The following PKD1L3 variants were observed in gnomAD, a reference collection of about 807,000 sequenced individuals.
PKD1L3 encodes polycystin-1-like protein 3.
Under a neutral mutation model 184.1 loss-of-function variants are expected in PKD1L3, and 239 were observed. That is an observed-to-expected ratio of 1.30 (90% confidence interval 1.17 to 1.45). The LOEUF (loss-of-function observed/expected upper bound fraction) is 1.45. PKD1L3 is among the 40% of genes most tolerant of loss of function. The pLI, the probability that PKD1L3 is intolerant of heterozygous loss-of-function variation, is 0.00. For synonymous variants in PKD1L3, 996 were observed against 778.8 expected, an observed-to-expected ratio of 1.28 and a Z score of -4.64; for missense variants, 2,660 against 2,067.2, an observed-to-expected ratio of 1.29 and a Z score of -5.56.
intron 3 of PKD1L3, among the ~76,000 whole-genome samples, chr16:71,992,762 C>G (rs778836259): frequency 1.2e-4 from 18 of 152,196 alleles, no homozygotes; most frequent in Non-Finnish European, 2.5e-4. Flanking sequence ...AGAGTGATCA[C>G]GAGATCCACT....
intron 22 of PKD1L3, among the ~76,000 whole-genome samples, chr16:71,944,924 C>T (rs2038508499): frequency 6.6e-6 from 1 of 151,066 alleles, no homozygotes; most frequent in Admixed American, 6.6e-5. Context: ...ATCTCGAACT[C>T]CTACCTCAGG....
At chr16:71,986,727 G>A (rs2040381766) in intron 4 of PKD1L3, among the ~76,000 whole-genome samples, 1 of 152,056 alleles carries the variant, frequency 6.6e-6, no homozygotes, top group African/African-American at 2.4e-5. Context: ...TGCTAAGAAT[G>A]TTCTAGAGAA....
At position 71,969,347 on chromosome 16, in the gene PKD1L3, G is replaced by T. The variant is rs780656269; in HGVS notation, c.2184+528C>A. On this transcript the variant is annotated intron_variant, in intron 13 of 29. Coordinates refer to ENST00000620267, the MANE Select transcript of PKD1L3 (RefSeq NM_181536.2). ...TCTTTTTGGAGACTGGGTCTCTGTT[G>T]CCCAGGCTGGAGTAAAATGGCACAA... 3.4e-5 allele frequency among the ~76,000 whole-genome samples: 4 copies of T among 117,886 alleles called. No individual in the cohort carries two copies. In the Admixed American group the frequency reaches 3.4e-4, roughly 10 times the overall value. 77.3% of individuals were successfully genotyped at this position (117,886 alleles called of 152,430 possible).
intron 2 of PKD1L3, among the ~76,000 whole-genome samples, chr16:71,997,294 G>A (rs1003058239): frequency 6.6e-6 from 1 of 151,108 alleles, no homozygotes; most frequent in Admixed American, 6.6e-5. Flanking sequence ...TTTTTTTTAA[G>A]AAATCACCAA....
At chr16:71,971,105 C>A (rs1047775322) in intron 12 of PKD1L3, among the ~76,000 whole-genome samples, 2 of 152,068 alleles carry the variant, frequency 1.3e-5, no homozygotes, top group Non-Finnish European at 2.9e-5. Flanking sequence ...AGAATGAATT[C>A]CCCCCTCAAA....
chr16:71,967,731 T>C (rs1486632470), intron 14 of PKD1L3, among the ~76,000 whole-genome samples, 175 bp downstream of exon 14: 2 of 152,142 alleles, frequency 1.3e-5, no homozygotes, highest in Admixed American at 6.6e-5. Context: ...TCCCAAAGTA[T>C]TGGGATTACA....
chr16:71,990,809 G>C (rs1440452311), intron 3 of PKD1L3, among the ~76,000 whole-genome samples: 2 of 151,882 alleles, frequency 1.3e-5, no homozygotes, highest in Non-Finnish European at 2.9e-5. Context: ...TCGAGGACCT[G>C]GGAATGGAAT....
Position 71,934,063 on chromosome 16 carries a change from G to A in PKD1L3, c.4676C>T (p.Pro1559Leu), listed in dbSNP as rs561079933. 1.1e-5 allele frequency: 17 copies of A among 1,551,800 alleles called. No individual in the cohort carries two copies. The highest frequency in any genetic ancestry group is 2.0e-5 in the Admixed American group (1 of 50,972). ...NSAATHLVGF[P>L]VLLATVQLWN... ...TAACTGAACAGTTGCCAGGAGAACC[G>A]GGAAGCCCACAAGGTGAGTCGCAGC... is the stretch of plus-strand genomic sequence containing the variant. Residue 1559 changes from proline (P) to leucine (L), a missense_variant, in exon 27 of 30, where the codon CCG becomes CTG. Coordinates refer to ENST00000620267, the MANE Select transcript of PKD1L3 (RefSeq NM_181536.2).
chr16:71,952,194 CAT>C (rs1491173800), intron 18 of PKD1L3, among the ~76,000 whole-genome samples: 8 of 89,814 alleles, frequency 8.9e-5, no homozygotes, highest in South Asian at 4.1e-4. Flanking sequence ...GGGAGCATGT[CAT>C]TTTTTTTTTT....
In PKD1L3 at chr16:71,950,221, G is replaced by C; in HGVS notation, c.3280C>G (p.Gln1094Glu). 1 of 1,552,202 alleles carries C rather than the reference G, an allele frequency of 6.4e-7. No individual in the cohort carries two copies. The highest frequency in any genetic ancestry group is 8.7e-7 in the Non-Finnish European group (1 of 1,147,106). The change falls in exon 20 of 30, where the codon CAG (glutamine) becomes GAG (glutamate). Residue 1094 changes from glutamine to glutamate, a missense_variant. Transcript: ENST00000620267. ...KSHLGTLGLT[Q>E]GHQSCDFLDA... The stretch of plus-strand genomic sequence containing the variant: ...AGGAAGTCACAGGACTGGTGACCCT[G>C]GGTGAGACCCAGCGTGCCTAAGTGA...
intron 22 of PKD1L3, among the ~76,000 whole-genome samples, chr16:71,945,452 A>C (rs2038566619): frequency 6.7e-6 from 1 of 149,108 alleles, no homozygotes; most frequent in Non-Finnish European, 1.5e-5. Flanking sequence ...GCCAAGGAGG[A>C]CTGATCACCT....
At chr16:71,989,999 C>T (rs1384290491) in intron 4 of PKD1L3, among the ~76,000 whole-genome samples, 7 of 150,448 alleles carry the variant, frequency 4.7e-5, no homozygotes, top group Non-Finnish European at 8.9e-5. Context: ...CACTTGAACC[C>T]GGGAGGTAGA....
chr16:71,932,832 T>A (rs1215053884), intron 28 of PKD1L3, among the ~76,000 whole-genome samples: 1 of 142,030 alleles, frequency 7.0e-6, no homozygotes, highest in East Asian at 2.1e-4. Context: ...GGGTCTGGAG[T>A]GTAGTGGCAT....
intron 12 of PKD1L3, among the ~76,000 whole-genome samples, chr16:71,970,540 G>C (rs768784497): frequency 1.3e-4 from 20 of 152,200 alleles, no homozygotes; most frequent in Non-Finnish European, 2.6e-4. Context: ...GGGTGTGGTG[G>C]CTCATATCTG....
intron 25 of PKD1L3, among the ~76,000 whole-genome samples, 165 bp from the exon 26 acceptor site, chr16:71,935,683 A>G (rs1332702675): frequency 6.6e-6 from 1 of 152,240 alleles, no homozygotes; most frequent in African/African-American, 2.4e-5. Context: ...TCAGGTCTGT[A>G]GTCTTCAGAA....
chr16:71,934,338 G>T (rs1205020911), intron 26 of PKD1L3, among the ~76,000 whole-genome samples: 1 of 152,178 alleles, frequency 6.6e-6, no homozygotes, highest in Non-Finnish European at 1.5e-5. Context: ...ACCTGCTGCA[G>T]ATTGCACTGG....
chr16:71,942,676 T>A lies in PKD1L3; in HGVS notation c.4208A>T (p.His1403Leu). ...GRPKSLFPGL[H>L]LRRFSYICSP... is the part of the protein sequence containing the mutation. ...ACAGATGTAACTGAACCTCCTTAGA[T>A]GAAGTCCAGGGAATAGGCTCTTGGG... Residue 1403 changes from histidine to leucine, a missense_variant, in exon 24 of 30, where the codon CAT (histidine) becomes CTT (leucine). By Grantham distance (99) the His-to-Leu change is moderately conservative. Transcript: ENST00000620267. 6.4e-7 allele frequency: 1 copy of A among 1,551,724 alleles called. No individual in the cohort carries two copies. Among genetic ancestry groups the A allele is most frequent in the Non-Finnish European group, 8.7e-7 (1 of 1,147,004 alleles).
rs1597387708 is a variant in PKD1L3 at position 72,000,330 on chromosome 16, T to A, written c.-352A>T. ...CTAAGTTAGTGCTGCTAAAAATTAATAAGTGTAGCTTTTTCTTTTCTGAGG... is the reference window on the plus strand; with the variant it reads ...CTAAGTTAGTGCTGCTAAAAATTAAAAAGTGTAGCTTTTTCTTTTCTGAGG... On this transcript the variant is annotated 5_prime_UTR_variant, in exon 1 of 30. Coordinates refer to ENST00000620267, the MANE Select transcript of PKD1L3 (RefSeq NM_181536.2). Among the ~76,000 whole-genome samples, 5 of 152,290 alleles carry A rather than the reference T, an allele frequency of 3.3e-5. No individual in the cohort carries two copies. The South Asian group carries it at 1.0e-3, about 32-fold the overall frequency.
At chr16:71,944,809 T>C (rs1242693393) in intron 22 of PKD1L3, among the ~76,000 whole-genome samples, 1 of 151,178 alleles carries the variant, frequency 6.6e-6, no homozygotes, top group African/African-American at 2.4e-5. Flanking sequence ...AGCGATTCTC[T>C]TGCCTCAACC....
Sources: allele counts gnomAD v4.1 joint callset (sites outside exome capture counted in the v4.1 genomes callset), GRCh38; gene constraint gnomAD v4.1.1; transcripts MANE v1.5; gene names NCBI Gene and HGNC (gene_info 2026-07-23, HGNC 2026-07-21).